Variants in MKLN1 observed in about 807,000 individuals in gnomAD.
MKLN1 encodes muskelin.
Under a neutral mutation model 99.0 loss-of-function variants are expected in MKLN1, and 18 were observed. That is an observed-to-expected ratio of 0.18 (90% CI 0.13 to 0.27). The LOEUF (loss-of-function observed/expected upper bound fraction) is 0.27, where lower values mean the gene tolerates loss of function less well. MKLN1 is among the 10% of genes least tolerant of loss of function. The pLI is 1.00. For synonymous variants in MKLN1, 288 were observed against 293.2 expected (o/e 0.98, Z 0.18); for missense variants, 621 against 875.9 (o/e 0.71, Z 3.67).
chr7:131,159,725 C>G (rs1311100238), intron 2 of MKLN1, among the ~76,000 whole-genome samples: 1 of 152,088 alleles, frequency 6.6e-6, no homozygotes, highest in Non-Finnish European at 1.5e-5. Flanking sequence ...TTCAAAATAT[C>G]ACATGTACCC....
chr7:131,390,733 A>G (rs1794175825), intron 4 of MKLN1, among the ~76,000 whole-genome samples: 1 of 152,164 alleles, frequency 6.6e-6, no homozygotes, highest in Non-Finnish European at 1.5e-5. Flanking sequence ...AGTTATTACT[A>G]TAGTCACCAT....
chr7:131,371,275 C>T (rs964375214), intron 1 of MKLN1, among the ~76,000 whole-genome samples: 1 of 152,222 alleles, frequency 6.6e-6, no homozygotes, highest in Non-Finnish European at 1.5e-5. Flanking sequence ...ACTGTCTTCA[C>T]TTAGTATTTA....
intron 3 of MKLN1, among the ~76,000 whole-genome samples, chr7:131,218,200 C>A (rs999103861): frequency 6.6e-6 from 1 of 152,070 alleles, no homozygotes; most frequent in African/African-American, 2.4e-5. Context: ...AAATACCATT[C>A]TTAGGTTTTA....
chr7:131,461,069 T>C (rs1470810443), intron 12 of MKLN1, among the ~76,000 whole-genome samples: 1 of 152,150 alleles, frequency 6.6e-6, no homozygotes, highest in East Asian at 1.9e-4. Flanking sequence ...ACCAGAATCC[T>C]CAGATGCTCA....
chr7:131,408,484 A>G (rs1317578821), intron 6 of MKLN1, among the ~76,000 whole-genome samples: 1 of 152,232 alleles, frequency 6.6e-6, no homozygotes, highest in African/African-American at 2.4e-5. Context: ...CCAAATATAA[A>G]TACATACAAC....
At chr7:131,189,570 A>G (rs1796504706) in intron 2 of MKLN1, among the ~76,000 whole-genome samples, 1 of 151,666 alleles carries the variant, frequency 6.6e-6, no homozygotes, top group African/African-American at 2.4e-5. Flanking sequence ...AACCACCCAG[A>G]CAAACCCACC....
chr7:131,421,175 G>A (rs928317701), intron 8 of MKLN1, among the ~76,000 whole-genome samples: 5 of 152,128 alleles, frequency 3.3e-5, no homozygotes, highest in African/African-American at 9.7e-5. Flanking sequence ...GGGCTCAAGT[G>A]CACAATCTGG....
intron 1 of MKLN1, among the ~76,000 whole-genome samples, chr7:131,339,932 T>C (rs1173506054): frequency 6.6e-6 from 1 of 152,102 alleles, no homozygotes. Context: ...ATGACTAATA[T>C]TTATTATGGC....
Position 131,495,370 on chromosome 7 carries a change from C to T in MKLN1, c.*7642C>T, listed in dbSNP as rs1217558554. 6.6e-6 allele frequency: 1 copy of T among 152,146 alleles called. No individual in the cohort carries two copies. Among genetic ancestry groups the T allele is most frequent in the Non-Finnish European group, 1.5e-5 (1 of 68,026 alleles). The allele number at this position is 152,146 out of a possible 1,614,324, so 9.4% of individuals were successfully genotyped here. On this transcript the variant is annotated 3_prime_UTR_variant, in exon 18 of 18. Transcript: ENST00000352689. Reference sequence around the variant, plus strand: ...CATCTCCTGGACTGGAAATGTGGTGCTGTAACCAGCTGAGCCGAAAGTTGG... The same window carrying T: ...CATCTCCTGGACTGGAAATGTGGTGTTGTAACCAGCTGAGCCGAAAGTTGG...
chr7:131,170,581 G>A (rs1796200774), intron 2 of MKLN1, among the ~76,000 whole-genome samples: 3 of 152,160 alleles, frequency 2.0e-5, no homozygotes. Context: ...GTTCCCCTTG[G>A]CTAGTTGGTG....
At chr7:131,457,025 C>A (rs983203931) in intron 12 of MKLN1, among the ~76,000 whole-genome samples, 5 of 152,060 alleles carry the variant, frequency 3.3e-5, no homozygotes, top group Admixed American at 2.0e-4. Context: ...TGCCTGTAAT[C>A]CCAGCACTTT....
At chr7:131,205,858 G>A (rs1434283175) in intron 3 of MKLN1, among the ~76,000 whole-genome samples, 8 of 150,086 alleles carry the variant, frequency 5.3e-5, no homozygotes, top group African/African-American at 1.2e-4. Context: ...TGGAATCTCT[G>A]TGACTTTCCT....
intron 12 of MKLN1, among the ~76,000 whole-genome samples, chr7:131,452,544 C>CTTTTTTTTTTTTT (rs1159344518): frequency 7.1e-5 from 5 of 70,352 alleles, no homozygotes; most frequent in African/African-American, 1.2e-4. Context: ...TCCTTTTATA[C>CTTTTTTTTTTTTT]TTTTTTTTTT....
chr7:131,192,115 A>G (rs1796558674), intron 2 of MKLN1, among the ~76,000 whole-genome samples: 1 of 90,134 alleles, frequency 1.1e-5, no homozygotes, highest in Non-Finnish European at 2.1e-5. Context: ...TATATTATAT[A>G]TATACGTATA....
At chr7:131,322,248 C>A (rs556272136) in intron 3 of MKLN1, among the ~76,000 whole-genome samples, 9 of 152,156 alleles carry the variant, frequency 5.9e-5, no homozygotes, top group Non-Finnish European at 1.2e-4. Context: ...TGTCTTAGAT[C>A]TGATCTCATC....
intron 13 of MKLN1, among the ~76,000 whole-genome samples, chr7:131,463,891 T>C (rs554236054): frequency 5.5e-4 from 84 of 152,222 alleles, no homozygotes; most frequent in Non-Finnish European, 1.1e-3. Context: ...AGCTTCTCCA[T>C]TCATAATGGG....
intron 3 of MKLN1, among the ~76,000 whole-genome samples, chr7:131,281,404 C>T (rs1215952778): frequency 5.9e-5 from 9 of 152,054 alleles, no homozygotes; most frequent in African/African-American, 1.4e-4. Flanking sequence ...ATATGTGTAT[C>T]CTTATGCCTT....
chr7:131,145,775 C>T (rs568020896), intron 2 of MKLN1, among the ~76,000 whole-genome samples: 6 of 152,278 alleles, frequency 3.9e-5, no homozygotes, highest in African/African-American at 1.4e-4. Flanking sequence ...TAAGCACGTA[C>T]ATTTCAACCC....
chr7:131,277,790 T>C (rs954662517), intron 3 of MKLN1, among the ~76,000 whole-genome samples: 22 of 152,200 alleles, frequency 1.4e-4, no homozygotes, highest in Non-Finnish European at 2.8e-4. Flanking sequence ...CTTTTCTTCT[T>C]TAAAAGACAA....
Sources: gnomAD v4.1 joint callset for allele counts (sites outside exome capture counted in the v4.1 genomes callset) on GRCh38, gnomAD v4.1.1 for gene constraint, MANE v1.5 for transcripts, NCBI Gene and HGNC (gene_info 2026-07-23, HGNC 2026-07-21) for gene names.